NUP98: variants seen among roughly 807,000 people sequenced by gnomAD.
NUP98 encodes the protein nuclear pore complex protein Nup98-Nup96.
Under a neutral mutation model 191.9 loss-of-function variants are expected in NUP98, and 26 were observed. The ratio of observed to expected loss-of-function variants is 0.14; its 90% CI spans 0.10 to 0.19. NUP98 has a LOEUF of 0.19. Ranked by LOEUF, NUP98 falls within the 10% of genes least tolerant of loss-of-function variation. NUP98 has a pLI of 1.00. For missense variants in NUP98, 1,941 were observed against 2,178.8 expected (o/e 0.89, Z 2.17); for synonymous variants, 808 against 778.4 (o/e 1.04, Z -0.63).
chr11:3,686,277 G>A (rs1290270889), intron 28 of NUP98, 83 bp from the exon 29 acceptor site: 15 of 1,190,990 alleles, frequency 1.3e-5, no homozygotes, highest in Non-Finnish European at 1.7e-5. Context: ...TTATGTCTAA[G>A]ACAATAAAAG....
intron 5 of NUP98, among the ~76,000 whole-genome samples, chr11:3,775,412 T>G (rs892992042): frequency 6.6e-6 from 1 of 152,042 alleles, no homozygotes; most frequent in Admixed American, 6.6e-5. Flanking sequence ...GGTGGACTCT[T>G]GTAATCACAG....
chr11:3,738,384 C>G (rs1419259610), intron 12 of NUP98, among the ~76,000 whole-genome samples: 1 of 151,902 alleles, frequency 6.6e-6, no homozygotes, highest in African/African-American at 2.4e-5. Context: ...AAATCATAAC[C>G]AAATGATTAA....
intron 28 of NUP98, among the ~76,000 whole-genome samples, chr11:3,688,792 C>T (rs968217078): frequency 7.8e-5 from 10 of 127,502 alleles, no homozygotes; most frequent in Admixed American, 1.7e-4. Flanking sequence ...GAGACTGTCT[C>T]GAAAATATAT....
At chr11:3,723,126 G>A (rs765177307) in intron 16 of NUP98, 31 bp downstream of exon 16, 1 of 1,596,966 alleles carries the variant, frequency 6.3e-7, no homozygotes, top group Non-Finnish European at 8.6e-7. Flanking sequence ...TGACTGGTAA[G>A]AGATTAAACA....
chr11:3,749,105 G>A (rs1187254506), intron 11 of NUP98, among the ~76,000 whole-genome samples: 6 of 147,420 alleles, frequency 4.1e-5, no homozygotes, highest in South Asian at 2.1e-4. Flanking sequence ...TCAGGAGATC[G>A]AGACCATCCT....
At chr11:3,701,113 A>G (rs969084874) in intron 23 of NUP98, among the ~76,000 whole-genome samples, 2 of 152,192 alleles carry the variant, frequency 1.3e-5, no homozygotes, top group East Asian at 3.9e-4. Flanking sequence ...GAACTGGCTA[A>G]AACTCAAGGG....
intron 10 of NUP98, among the ~76,000 whole-genome samples, chr11:3,758,090 G>A (rs1395376542): frequency 2.6e-5 from 4 of 152,048 alleles, no homozygotes; most frequent in Non-Finnish European, 2.9e-5. Context: ...GGCCAATGCC[G>A]GCAGACCATG....
At chr11:3,787,019 T>C (rs549441813) in intron 1 of NUP98, among the ~76,000 whole-genome samples, 6 of 152,284 alleles carry the variant, frequency 3.9e-5, no homozygotes, top group Middle Eastern at 3.4e-3. Flanking sequence ...TTACAAAGCA[T>C]TTTTTCATAC....
intron 15 of NUP98, 48 bp from the exon 16 acceptor site, chr11:3,723,503 C>G: frequency 6.7e-7 from 1 of 1,497,080 alleles, no homozygotes; most frequent in Non-Finnish European, 9.2e-7. Context: ...GTAGTAATAA[C>G]AATGATAATA....
chr11:3,771,603 A>G, intron 7 of NUP98, 145 bp downstream of exon 7: 1 of 660,822 alleles, frequency 1.5e-6, no homozygotes, highest in South Asian at 2.2e-5. Context: ...CTTTCCCCAC[A>G]TACATCCAGG....
At position 3,695,611 on chromosome 11, in the gene NUP98, A is replaced by G. The variant is rs776819912; in HGVS notation, c.4010-5T>C. On this transcript the variant is annotated splice_polypyrimidine_tract_variant and splice_region_variant and intron_variant, in intron 25 of 32. Transcript: ENST00000324932. ...GAAGAGCAAGACGATGATCCCCTAT[A>G]AGAGAAATGGAAGTTTTTTGGTTAT... The G allele has an allele frequency of 3.9e-6, 6 of 1,553,626 alleles. No homozygotes were observed. Among genetic ancestry groups the G allele is most frequent in the Non-Finnish European group, 5.2e-6 (6 of 1,151,492 alleles).
intron 14 of NUP98, among the ~76,000 whole-genome samples, chr11:3,725,833 A>G (rs902960421): frequency 2.6e-5 from 4 of 152,206 alleles, no homozygotes; most frequent in African/African-American, 9.7e-5. Flanking sequence ...TTCTTTAGAC[A>G]GAGTCTCACT....
chr11:3,693,089 TA>T, intron 27 of NUP98, 142 bp downstream of exon 27: 1 of 771,738 alleles, frequency 1.3e-6, no homozygotes, highest in Non-Finnish European at 2.1e-6. Flanking sequence ...TTTAATAAAA[TA>T]AAAACAGACA....
Position 3,725,343 on chromosome 11 carries a change from T to C in NUP98, c.1731-124A>G, listed in dbSNP as rs184718501. The C allele has an allele frequency of 1.1e-3, 647 of 576,108 alleles. 1 individual carries two copies. The highest frequency in any genetic ancestry group is 1.6e-3 in the Non-Finnish European group (524 of 320,586). 35.7% of individuals were successfully genotyped at this position (576,108 alleles called of 1,614,324 possible). On this transcript the variant is annotated intron_variant, in intron 14 of 32. Coordinates refer to ENST00000324932, the MANE Select transcript of NUP98 (RefSeq NM_016320.5). ...TGCTCAACTCTTGTACACCTAAGAA[T>C]AACCTAACAAGTTTCATTTATAAAC...
At position 3,735,323 on chromosome 11, in the gene NUP98, A is replaced by G; in HGVS notation, c.1410T>C (p.Ala470=). The G allele has an allele frequency of 2.0e-6, 3 of 1,470,562 alleles. No homozygotes were observed. The highest frequency in any genetic ancestry group is 2.7e-6 in the Non-Finnish European group (3 of 1,115,144). The allele number at this position is 1,470,562 out of a possible 1,614,324, so 91.1% of individuals were successfully genotyped here. A position where few individuals can be genotyped will look rare whatever the true frequency, so the allele number is the denominator to read the frequency against. ...LGFGAPQAPV[A]LTDPNASAAQ... is the part of the protein sequence containing the mutation. The stretch of plus-strand genomic sequence containing the variant: ...CAGCAGAAGCATTTGGATCTGTCAA[A>G]GCTTTTAAAAAAAAAAAAAGAAAAC... Residue 470 remains alanine (A), a splice_region_variant and synonymous_variant, in exon 13 of 33, where the codon GCT becomes GCC. Coordinates refer to ENST00000324932, the MANE Select transcript of NUP98 (RefSeq NM_016320.5).
intron 7 of NUP98, among the ~76,000 whole-genome samples, chr11:3,770,440 T>C (rs1296150595): frequency 6.6e-6 from 1 of 151,970 alleles, no homozygotes; most frequent in East Asian, 1.9e-4. Flanking sequence ...ATCACATCAC[T>C]GCACTCCAGC....
intron 18 of NUP98, among the ~76,000 whole-genome samples, chr11:3,719,051 C>A (rs757967376): frequency 6.6e-6 from 1 of 151,212 alleles, no homozygotes; most frequent in Non-Finnish European, 1.5e-5. Context: ...ACCCGGGAGT[C>A]GGAGGTTGCA....
chr11:3,778,378 G>A (rs1224644344), intron 4 of NUP98, among the ~76,000 whole-genome samples: 4 of 152,142 alleles, frequency 2.6e-5, no homozygotes, highest in Non-Finnish European at 5.9e-5. Context: ...TGGACTTAAA[G>A]TGAAAAAAGT....
intron 14 of NUP98, among the ~76,000 whole-genome samples, chr11:3,729,671 C>T (rs535470605): frequency 7.5e-6 from 1 of 133,150 alleles, no homozygotes; most frequent in African/African-American, 2.9e-5. Flanking sequence ...TGTATGATTG[C>T]ACCACTGCAC....
Sources: gnomAD v4.1 joint callset for allele counts (sites outside exome capture counted in the v4.1 genomes callset) on GRCh38, gnomAD v4.1.1 for gene constraint, MANE v1.5 for transcripts, NCBI Gene and HGNC (gene_info 2026-07-23, HGNC 2026-07-21) for gene names.